ACO1: variants seen among roughly 807,000 people sequenced by gnomAD.
ACO1 encodes the protein cytoplasmic aconitate hydratase.
A neutral mutation model predicts 105.1 loss-of-function variants in ACO1; 78 were observed. That is an observed-to-expected ratio of 0.74 (90% CI 0.62 to 0.90). The LOEUF (loss-of-function observed/expected upper bound fraction) is 0.90, where lower values mean the gene tolerates loss of function less well. Among genes scored for constraint, ACO1 ranks in the 40% least tolerant of loss-of-function variants. The pLI, the probability that ACO1 is intolerant of heterozygous loss-of-function variation, is 0.00. For missense variants in ACO1, 965 were observed against 1,111.1 expected, an observed-to-expected ratio of 0.87 and a Z score of 1.87; for synonymous variants, 364 against 397.4, an observed-to-expected ratio of 0.92 and a Z score of 1.00.
At chr9:32,432,651 G>C (rs1234046807) in intron 15 of ACO1, among the ~76,000 whole-genome samples, 2 of 152,152 alleles carry the variant, frequency 1.3e-5, no homozygotes, top group Admixed American at 1.3e-4. Flanking sequence ...GTGTGACCTG[G>C]AAGGCCACTT....
At chr9:32,388,076 T>A (rs72710631) in intron 1 of ACO1, among the ~76,000 whole-genome samples, 12,008 of 152,222 alleles carry the variant, frequency 0.079, 663 homozygotes, top group Middle Eastern at 0.18. Context: ...GAGCCACATA[T>A]GGGTCTTATT....
intron 2 of ACO1, among the ~76,000 whole-genome samples, chr9:32,406,698 G>A (rs577436737): frequency 2.0e-5 from 3 of 152,346 alleles, no homozygotes; most frequent in East Asian, 1.9e-4. Flanking sequence ...GAAACTGTCT[G>A]TTGTTGGAAT....
intron 4 of ACO1, among the ~76,000 whole-genome samples, chr9:32,415,808 T>C (rs1821835141): frequency 6.6e-6 from 1 of 152,168 alleles, no homozygotes; most frequent in African/African-American, 2.4e-5. Flanking sequence ...AGACTTTTTC[T>C]AGAAAGGGCC....
Position 32,419,088 on chromosome 9 carries a change from A to G in ACO1, c.709A>G (p.Met237Val). 4.3e-6 allele frequency: 7 copies of G among 1,610,272 alleles called. No individual in the cohort carries two copies. The highest frequency in any genetic ancestry group is 5.9e-6 in the Non-Finnish European group (7 of 1,178,144). ...TGTCATGCTGGGTCAGCCAATCAGT[A>G]TGGTGCTTCCTCAGGTGATTGGCTA... ...EAVMLGQPIS[M>V]VLPQVIGYRL... The change falls in exon 7 of 21, where the codon ATG becomes GTG. Residue 237 changes from methionine (M) to valine (V), a missense_variant. Coordinates refer to ENST00000309951, the MANE Select transcript of ACO1 (RefSeq NM_002197.3).
chr9:32,416,538 C>T (rs1821854356), intron 4 of ACO1, among the ~76,000 whole-genome samples: 1 of 152,190 alleles, frequency 6.6e-6, no homozygotes, highest in Admixed American at 6.5e-5. Flanking sequence ...TTCCAATCCC[C>T]CCAACCCCCA....
At chr9:32,416,668 T>G (rs1260436058) in intron 4 of ACO1, among the ~76,000 whole-genome samples, 1 of 152,132 alleles carries the variant, frequency 6.6e-6, no homozygotes, top group Non-Finnish European at 1.5e-5. Flanking sequence ...GCACACAGCT[T>G]TTGCACCATT....
chr9:32,426,068 G>A (rs1057066581), intron 11 of ACO1, 71 bp downstream of exon 11: 4 of 1,509,938 alleles, frequency 2.6e-6, no homozygotes, highest in East Asian at 2.3e-5. Context: ...ACAGGGCCCA[G>A]GGCCTTGGCG....
At chr9:32,436,951 A>T (rs925741916) in intron 18 of ACO1, among the ~76,000 whole-genome samples, 2 of 152,196 alleles carry the variant, frequency 1.3e-5, no homozygotes, top group African/African-American at 4.8e-5. Flanking sequence ...CTTACCTTGG[A>T]AGAACGCTCT....
intron 13 of ACO1, among the ~76,000 whole-genome samples, 165 bp from the exon 14 acceptor site, chr9:32,430,252 TG>T (rs1184479828): frequency 6.6e-6 from 1 of 152,146 alleles, no homozygotes; most frequent in Admixed American, 6.5e-5. Context: ...GTATCTCCCA[TG>T]GGGACACCCC....
intron 19 of ACO1, among the ~76,000 whole-genome samples, chr9:32,448,507 G>T (rs1385660521): frequency 2.0e-5 from 3 of 152,232 alleles, no homozygotes; most frequent in African/African-American, 7.2e-5. Context: ...GGAATCTCCT[G>T]GTCTGCTGGT....
Position 32,451,018 on chromosome 9 carries a change from C to CTGTT in ACO1, c.*910_*913dup, listed in dbSNP as rs1491110736. 3.4e-5 allele frequency: 5 copies of CTGTT among 146,870 alleles called. No homozygotes were observed. The highest frequency in any genetic ancestry group is 1.9e-4 in the East Asian group (1 of 5,188). The allele number at this position is 146,870 out of a possible 1,614,324, so 9.1% of individuals were successfully genotyped here. A position where few individuals can be genotyped will look rare whatever the true frequency, so the allele number is the denominator to read the frequency against. On this transcript the variant is annotated 3_prime_UTR_variant, in exon 21 of 21. Coordinates refer to ENST00000309951, the MANE Select transcript of ACO1 (RefSeq NM_002197.3). ...TAGGAACCATTATGCTCGCTCTTCC[C>CTGTT]TGTTTGGGAGCAGACAAGAAGGAAG...
rs143406054 is a variant in ACO1 at position 32,422,090 on chromosome 9, G to A, written c.970+1063G>A. Among the ~76,000 whole-genome samples, 17 of 152,296 alleles carry A rather than the reference G, an allele frequency of 1.1e-4. No homozygotes were observed. In the East Asian group the frequency reaches 1.5e-3, roughly 14 times the overall value. On this transcript the variant is annotated intron_variant, in intron 8 of 20. Transcript: ENST00000309951. ...CTAAAAGAACAGAATAAATAATTGA[G>A]GGAATCAACCTAAAGAAAGAGAGGG... is the stretch of plus-strand genomic sequence containing the variant.
At chr9:32,435,696 T>C (rs1421662039) in intron 17 of ACO1, among the ~76,000 whole-genome samples, 1 of 152,196 alleles carries the variant, frequency 6.6e-6, no homozygotes, top group Non-Finnish European at 1.5e-5. Context: ...TCTGCCTCTT[T>C]AGCACTGCCT....
intron 1 of ACO1, among the ~76,000 whole-genome samples, chr9:32,393,358 G>A (rs141684614): frequency 4.2e-4 from 64 of 152,264 alleles, no homozygotes; most frequent in African/African-American, 1.5e-3. Context: ...CCAGTCTCCT[G>A]TAGCGCTCCC....
At chr9:32,389,800 C>CTTTT (rs71916359) in intron 1 of ACO1, among the ~76,000 whole-genome samples, 18,814 of 132,386 alleles carry the variant, frequency 0.14, 2,014 homozygotes, top group African/African-American at 0.21. Flanking sequence ...TTCCTCTATA[C>CTTTT]TTTTTTTTTT....
chr9:32,449,981 G>A lies in ACO1; in HGVS notation c.2557-17G>A. ...CGCCACCTCCCTCAATGATGCTTCT[G>A]TTTCTTTGTGCCACAGCTGGATACT... On this transcript the variant is annotated splice_polypyrimidine_tract_variant and intron_variant, in intron 20 of 20. Coordinates refer to ENST00000309951, the MANE Select transcript of ACO1 (RefSeq NM_002197.3). 1 of 1,608,238 alleles carries A rather than the reference G, an allele frequency of 6.2e-7. No homozygotes were observed. Among genetic ancestry groups the A allele is most frequent in the Non-Finnish European group, 8.5e-7 (1 of 1,174,926 alleles).
At chr9:32,408,761 T>A in intron 4 of ACO1, 110 bp downstream of exon 4, 2 of 1,320,290 alleles carry the variant, frequency 1.5e-6, no homozygotes, top group South Asian at 1.7e-5. Flanking sequence ...TTCAAAGATA[T>A]CTTCTGAAAA....
At chr9:32,416,982 G>T (rs1821864988) in intron 4 of ACO1, among the ~76,000 whole-genome samples, 1 of 152,162 alleles carries the variant, frequency 6.6e-6, no homozygotes, top group African/African-American at 2.4e-5. Context: ...TACTGTGGTG[G>T]TGTTAACTAC....
intron 1 of ACO1, among the ~76,000 whole-genome samples, chr9:32,385,892 T>A (rs1821148084): frequency 6.6e-6 from 1 of 152,230 alleles, no homozygotes; most frequent in East Asian, 1.9e-4. Flanking sequence ...TTGGGCCTGC[T>A]TCTTGTTTGT....
Sources: gnomAD v4.1 joint callset for allele counts (sites outside exome capture counted in the v4.1 genomes callset) on GRCh38, gnomAD v4.1.1 for gene constraint, MANE v1.5 for transcripts, NCBI Gene and HGNC (gene_info 2026-07-23, HGNC 2026-07-21) for gene names.